Variants in ITPR1 observed in about 807,000 individuals in gnomAD.
ITPR1 encodes inositol 1,4,5-trisphosphate receptor type 1, also known as inositol 1,4,5-trisphosphate-gated calcium channel ITPR1.
In ITPR1, 96 loss-of-function variants were observed where a neutral mutation model predicts 318.4. The ratio of observed to expected loss-of-function variants is 0.30; its 90% CI spans 0.26 to 0.36. The LOEUF is 0.36. ITPR1 is among the 10% of genes least tolerant of loss of function. ITPR1 has a pLI of 1.00. For missense variants in ITPR1, 2,440 were observed against 3,460.2 expected (o/e 0.71, Z 7.40); for synonymous variants, 1,312 against 1,289.9 (o/e 1.02, Z -0.37).
At chr3:4,549,560 C>G (rs1250196356) in intron 4 of ITPR1, among the ~76,000 whole-genome samples, 1 of 140,434 alleles carries the variant, frequency 7.1e-6, no homozygotes, top group African/African-American at 2.6e-5. Flanking sequence ...TTTCTTTTCT[C>G]TTCTTTTTGA....
chr3:4,520,970 C>T, intron 3 of ITPR1, 54 bp from the exon 4 acceptor site: 1 of 1,338,018 alleles, frequency 7.5e-7, no homozygotes, highest in Non-Finnish European at 1.1e-6. Flanking sequence ...TTGCATAGTG[C>T]TAAGAGTTTC....
At position 4,767,014 on chromosome 3, in the gene ITPR1, A is replaced by G. The variant is rs1370145570; in HGVS notation, c.5725+304A>G. Among the ~76,000 whole-genome samples the G allele has an allele frequency of 2.0e-5, 3 of 152,204 alleles. No individual in the cohort carries two copies. The East Asian group carries it at 5.8e-4, about 29-fold the overall frequency. ...TTCAATGTTAGAGAAAGTTGAGGGA[A>G]ATACGTATTTTAAAACTGGGTGTTA... On this transcript the variant is annotated intron_variant, in intron 45 of 61. Transcript: ENST00000649015.
chr3:4,512,425 T>A (rs1390430569), intron 2 of ITPR1, among the ~76,000 whole-genome samples: 1 of 152,216 alleles, frequency 6.6e-6, no homozygotes, highest in African/African-American at 2.4e-5. Flanking sequence ...CATGATTCTG[T>A]GTTTTTTGAA....
At chr3:4,840,007 C>T (rs1020252253) in intron 61 of ITPR1, among the ~76,000 whole-genome samples, 1 of 130,680 alleles carries the variant, frequency 7.7e-6, no homozygotes, top group Non-Finnish European at 1.6e-5. Context: ...CTCAGAATTA[C>T]AGGAAAAATT....
At chr3:4,511,097 G>A (rs1017238325) in intron 2 of ITPR1, among the ~76,000 whole-genome samples, 1 of 152,156 alleles carries the variant, frequency 6.6e-6, no homozygotes, top group African/African-American at 2.4e-5. Flanking sequence ...TGTGGGACAT[G>A]AGAGACAGAT....
intron 20 of ITPR1, among the ~76,000 whole-genome samples, chr3:4,672,342 G>A (rs370664162): frequency 2.0e-5 from 3 of 152,154 alleles, no homozygotes; most frequent in African/African-American, 7.2e-5. Context: ...AATTTTATAA[G>A]TGTGAAATAG....
intron 30 of ITPR1, among the ~76,000 whole-genome samples, chr3:4,686,126 A>C (rs551829712): frequency 6.6e-6 from 1 of 152,268 alleles, no homozygotes; most frequent in African/African-American, 2.4e-5. Context: ...ATTTTAGATG[A>C]GAGAGCTGCA....
chr3:4,554,494 G>A (rs1404330783), intron 4 of ITPR1, among the ~76,000 whole-genome samples: 3 of 152,196 alleles, frequency 2.0e-5, no homozygotes, highest in African/African-American at 7.2e-5. Flanking sequence ...CTATGTGCCA[G>A]GCACTGGTGT....
chr3:4,560,087 G>A (rs1388210495), intron 4 of ITPR1, among the ~76,000 whole-genome samples: 2 of 152,152 alleles, frequency 1.3e-5, no homozygotes, highest in Non-Finnish European at 1.5e-5. Flanking sequence ...TGGCTCATAA[G>A]ATTAAATGGT....
chr3:4,720,222 T>TG (rs1227547016), intron 40 of ITPR1, among the ~76,000 whole-genome samples: 1 of 152,046 alleles, frequency 6.6e-6, no homozygotes, highest in African/African-American at 2.4e-5. Flanking sequence ...TACAGTTTTG[T>TG]GGGGGGCAAA....
chr3:4,715,651 G>A (rs139563664), intron 39 of ITPR1, among the ~76,000 whole-genome samples: 1,888 of 152,258 alleles, frequency 0.012, 50 homozygotes, highest in African/African-American at 0.043. Flanking sequence ...TCAGGAGTTC[G>A]AGACCAGCCT....
At chr3:4,577,358 C>G (rs992489980) in intron 4 of ITPR1, among the ~76,000 whole-genome samples, 3 of 152,212 alleles carry the variant, frequency 2.0e-5, no homozygotes, top group African/African-American at 7.2e-5. Context: ...ACCCAGGGCT[C>G]TTGTTAAAAA....
rs574662646 is a variant in ITPR1, at chr3:4,846,491, G to C, written c.*266G>C. ...AGGACTAACAGAAAGCACCTGATTT[G>C]CACTTGAACCAGATTATAGATTTAA... is the stretch of plus-strand genomic sequence containing the variant. On this transcript the variant is annotated 3_prime_UTR_variant, in exon 62 of 62. Transcript: ENST00000649015. 41 of 292,928 alleles carry C rather than the reference G, an allele frequency of 1.4e-4. No homozygotes were observed. Among genetic ancestry groups the C allele is most frequent in the African/African-American group, 7.4e-4 (34 of 46,086 alleles). The allele number at this position is 292,928 out of a possible 1,614,324, so 18.1% of individuals were successfully genotyped here. A position where few individuals can be genotyped will look rare whatever the true frequency, so the allele number is the denominator to read the frequency against.
chr3:4,766,711 G>A lies in ITPR1; in HGVS notation c.5725+1G>A. 1 of 1,594,138 alleles carries A rather than the reference G, an allele frequency of 6.3e-7. No homozygotes were observed. The highest frequency in any genetic ancestry group is 8.5e-7 in the Non-Finnish European group (1 of 1,169,888). On this transcript the variant is annotated splice_donor_variant, in intron 45 of 61. Coordinates refer to ENST00000649015, the MANE Select transcript of ITPR1 (RefSeq NM_001378452.1). LOFTEE classifies it high-confidence loss of function. ...AGGGATGCCCCATCACGGAAAAAAGGTAAATGTTCCTCAGTCTTCAGTCAG... is the reference window on the plus strand; with the variant it reads ...AGGGATGCCCCATCACGGAAAAAAGATAAATGTTCCTCAGTCTTCAGTCAG...
Position 4,846,103 on chromosome 3 carries a change from A to G in ITPR1, c.8191-36A>G, listed in dbSNP as rs1205666244. On this transcript the variant is annotated intron_variant, in intron 61 of 61. Coordinates refer to ENST00000649015, the MANE Select transcript of ITPR1 (RefSeq NM_001378452.1). ...GTATGCGATTTGACGTACAGGAAGTATCTGGGTCTAATGATGAAACTTTTT... is the reference window on the plus strand; with the variant it reads ...GTATGCGATTTGACGTACAGGAAGTGTCTGGGTCTAATGATGAAACTTTTT... 4 of 1,269,206 alleles carry G rather than the reference A, an allele frequency of 3.2e-6. No individual in the cohort carries two copies. The Admixed American group carries it at 8.4e-5, about 27-fold the overall frequency. The allele number at this position is 1,269,206 out of a possible 1,614,324, so 78.6% of individuals were successfully genotyped here.
intron 5 of ITPR1, 140 bp from the exon 6 acceptor site, chr3:4,639,244 T>G: frequency 1.6e-6 from 1 of 639,772 alleles, no homozygotes; most frequent in Non-Finnish European, 2.7e-6. Flanking sequence ...GCTCATTTCT[T>G]GAAGCCTCAG....
intron 4 of ITPR1, among the ~76,000 whole-genome samples, chr3:4,605,925 C>A (rs1200810654): frequency 1.3e-5 from 2 of 152,068 alleles, no homozygotes; most frequent in Non-Finnish European, 2.9e-5. Flanking sequence ...CGACATCAGA[C>A]AGGAAAGAGA....
intron 3 of ITPR1, among the ~76,000 whole-genome samples, chr3:4,520,149 T>G (rs1363206948): frequency 6.6e-6 from 1 of 152,166 alleles, no homozygotes; most frequent in African/African-American, 2.4e-5. Flanking sequence ...GCAAGTTCTG[T>G]GGTCACTTGG....
At chr3:4,811,991 G>A (rs1294101896) in intron 56 of ITPR1, among the ~76,000 whole-genome samples, 1 of 151,486 alleles carries the variant, frequency 6.6e-6, no homozygotes, top group East Asian at 1.9e-4. Flanking sequence ...CCCACAAGAT[G>A]TAGTTGGAAA....
Sources: gnomAD v4.1 joint callset for allele counts (sites outside exome capture counted in the v4.1 genomes callset) on GRCh38, gnomAD v4.1.1 for gene constraint, MANE v1.5 for transcripts, NCBI Gene and HGNC (gene_info 2026-07-23, HGNC 2026-07-21) for gene names.